The following ZNF41 variants were observed in gnomAD, a reference collection of about 807,000 sequenced individuals.
The protein encoded by ZNF41 is zinc finger protein 41.
A neutral mutation model predicts 9.3 loss-of-function variants in ZNF41; 6 were observed. The observed-to-expected ratio is 0.65, with a 90% CI of 0.35 to 1.28. The LOEUF is 1.28. ZNF41 is among the 50% of genes most tolerant of loss of function. The pLI is 0.03. For missense variants in ZNF41, 523 were observed against 585.8 expected, an observed-to-expected ratio of 0.89 and a Z score of 1.11; for synonymous variants, 192 against 207.1, an observed-to-expected ratio of 0.93 and a Z score of 0.63.
intron 2 of ZNF41, among the ~76,000 whole-genome samples, chrX:47,466,493 G>C (rs977723723): frequency 9.1e-6 from 1 of 110,366 alleles, no homozygotes; most frequent in African/African-American, 3.3e-5. Flanking sequence ...CAACTTGAGA[G>C]GCCTGGGCGA....
intron 4 of ZNF41, among the ~76,000 whole-genome samples, chrX:47,453,779 A>G (rs2056447784): frequency 8.9e-6 from 1 of 112,144 alleles, no homozygotes; most frequent in Non-Finnish European, 1.9e-5. Context: ...GGCAGCAGAA[A>G]ATATGGAGCT....
rs190059598 is a variant in ZNF41, at chrX:47,468,572, C to T, written c.-279-812G>A. Among the ~76,000 whole-genome samples, 596 of 111,264 alleles carry T rather than the reference C, an allele frequency of 5.4e-3. 2 individuals carry two copies. The highest frequency in any genetic ancestry group is 0.018 in the African/African-American group (563 of 30,554). ...GGTTTCCACAGGCTCCTCAAATTAT[C>T]ACCAACCCAGGCAGCACACCATCAA... On this transcript the variant is annotated intron_variant, in intron 1 of 4. Coordinates refer to ENST00000684689, the MANE Select transcript of ZNF41 (RefSeq NM_001324144.2).
In ZNF41 at chrX:47,448,200, T is replaced by C; in HGVS notation, c.1570A>G (p.Met524Val). 1 of 1,211,633 alleles carries C rather than the reference T, an allele frequency of 8.3e-7. No individual in the cohort carries two copies. Among genetic ancestry groups the C allele is most frequent in the Non-Finnish European group, 1.1e-6 (1 of 895,464 alleles). ...AAAGCCTTTCCACATTCAGCACACA[T>C]ATAGGGTTTTTCCCCAGTATGAGTT... Reference protein sequence around the residue: ...QKTHTGEKPYMCAECGKAFTD... With the variant: ...QKTHTGEKPYVCAECGKAFTD... The change falls in exon 5 of 5, where the codon ATG becomes GTG. Residue 524 changes from methionine (M) to valine (V), a missense_variant. By Grantham distance (21) the Met-to-Val change is conservative. Coordinates refer to ENST00000684689, the MANE Select transcript of ZNF41 (RefSeq NM_001324144.2).
Position 47,448,081 on chromosome X carries a change from C to T in ZNF41, c.1689G>A (p.Lys563=), listed in dbSNP as rs1248006767. ...CNGCGKAFIW[K]SRLKIHQKSH... is the part of the protein sequence containing the mutation. ...ATTTCTGATGTATTTTGAGGCGCGA[C>T]TTCCATATGAAGGCTTTTCCACAGC... Residue 563 remains lysine, a synonymous_variant, in exon 5 of 5, where the codon AAG becomes AAA. Transcript: ENST00000684689. 7.4e-6 allele frequency: 9 copies of T among 1,209,596 alleles called. No homozygotes were observed. The highest frequency in any genetic ancestry group is 1.0e-5 in the Non-Finnish European group (9 of 895,192).
In ZNF41 at chrX:47,447,333, T is replaced by C. The variant is rs1284807394; in HGVS notation, c.*97A>G. 2 of 1,114,725 alleles carry C rather than the reference T, an allele frequency of 1.8e-6. No individual in the cohort carries two copies. Among genetic ancestry groups the C allele is most frequent in the Non-Finnish European group, 2.4e-6 (2 of 818,854 alleles). 91.9% of individuals were successfully genotyped at this position (1,114,725 alleles called of 1,213,427 possible). ...CTCAAGCCTCAGTCTCTCATACCCA[T>C]TTCCCCCTGTACAATGATTGCAGCA... On this transcript the variant is annotated 3_prime_UTR_variant, in exon 5 of 5. Coordinates refer to ENST00000684689, the MANE Select transcript of ZNF41 (RefSeq NM_001324144.2).
chrX:47,474,445 CAG>C (rs1386065996), intron 1 of ZNF41, among the ~76,000 whole-genome samples: 1 of 110,167 alleles, frequency 9.1e-6, no homozygotes, highest in African/African-American at 3.3e-5. Flanking sequence ...GCCTGGGTGA[CAG>C]AGTGAAACTC....
At chrX:47,455,283 T>A (rs1177913613) in intron 4 of ZNF41, among the ~76,000 whole-genome samples, 75 of 82,458 alleles carry the variant, frequency 9.1e-4, no homozygotes, top group South Asian at 2.7e-3. Flanking sequence ...AAATTAAAAT[T>A]AAAATTAAAA....
In ZNF41 at chrX:47,446,714, T is replaced by G. The variant is rs1262901679; in HGVS notation, c.*716A>C. Reference sequence around the variant, plus strand: ...CTACTACCTTTATATGTCTGTATCATTCAATGACTATATTTCTGTAACATA... The same window carrying G: ...CTACTACCTTTATATGTCTGTATCAGTCAATGACTATATTTCTGTAACATA... On this transcript the variant is annotated 3_prime_UTR_variant, in exon 5 of 5. Transcript: ENST00000684689. 3.6e-5 allele frequency: 4 copies of G among 112,053 alleles called. No homozygotes were observed. The highest frequency in any genetic ancestry group is 7.5e-5 in the Non-Finnish European group (4 of 53,399). 9.2% of individuals were successfully genotyped at this position (112,053 alleles called of 1,213,427 possible).
chrX:47,448,139 G>C lies in ZNF41; in HGVS notation c.1631C>G (p.Thr544Ser). ...DQSNLIKHQK[T>S]HTGEKPYKCN... Reference sequence around the variant, plus strand: ...CTTATAGGGTTTCTCTCCAGTGTGAGTTTTCTGGTGTTTAATGAGATTTGA... The same window carrying C: ...CTTATAGGGTTTCTCTCCAGTGTGACTTTTCTGGTGTTTAATGAGATTTGA... Residue 544 changes from threonine (T) to serine (S), a missense_variant, in exon 5 of 5, where the codon ACT (threonine) becomes AGT (serine). Transcript: ENST00000684689. The C allele has an allele frequency of 8.3e-7, 1 of 1,210,638 alleles. No homozygotes were observed. Among genetic ancestry groups the C allele is most frequent in the East Asian group, 3.0e-5 (1 of 33,770 alleles).
rs201039022 is a variant in ZNF41, at chrX:47,447,461, C to G, written c.2309G>C (p.Ser770Thr). The part of the protein sequence containing the change: ...SNLIKHQKMH[S>T]GEKRYKASD ...ACTGGCTTTATAGCGTTTTTCTCCACTATGCATTTTCTGGTGTTTAATGAG... is the reference window on the plus strand; with the variant it reads ...ACTGGCTTTATAGCGTTTTTCTCCAGTATGCATTTTCTGGTGTTTAATGAG... Residue 770 changes from serine to threonine, a missense_variant, in exon 5 of 5, where the codon AGT (serine) becomes ACT (threonine). Transcript: ENST00000684689. 114 of 1,209,773 alleles carry G rather than the reference C, an allele frequency of 9.4e-5. No homozygotes were observed. Among genetic ancestry groups the G allele is most frequent in the Non-Finnish European group, 8.3e-5 (74 of 895,284 alleles).
intron 4 of ZNF41, among the ~76,000 whole-genome samples, chrX:47,453,294 A>G (rs2056434218): frequency 1.8e-5 from 2 of 111,750 alleles, no homozygotes; most frequent in Admixed American, 1.9e-4. Flanking sequence ...GTTACCCTAT[A>G]CACTAAAATC....
Position 47,447,889 on chromosome X carries a change from T to A in ZNF41, c.1881A>T (p.Arg627Ser), listed in dbSNP as rs776796676. 9.9e-6 allele frequency: 12 copies of A among 1,209,974 alleles called. No individual in the cohort carries two copies. The highest frequency in any genetic ancestry group is 1.7e-5 in the African/African-American group (1 of 57,174). The change falls in exon 5 of 5, where the codon AGA (arginine) becomes AGT (serine). Residue 627 changes from arginine (R) to serine (S), a missense_variant. Transcript: ENST00000684689. ...CATAAGGCTTCTCTCCAGTATGGAT[T>A]CTATGATGCGCAATGAAGTGCGATT... is the stretch of plus-strand genomic sequence containing the variant. ...IQKSHFIAHH[R>S]IHTGEKPYEC...
intron 1 of ZNF41, among the ~76,000 whole-genome samples, chrX:47,477,525 T>C (rs2057367858): frequency 8.9e-6 from 1 of 112,644 alleles, no homozygotes; most frequent in Non-Finnish European, 1.9e-5. Flanking sequence ...ATAACTTTTT[T>C]TCTTGGAGAA....
rs1405162438 is a variant in ZNF41, at chrX:47,446,872, C to T, written c.*558G>A. ...AAAAAGTTTTTCATGGAAATCTTTT[C>T]TATGTCTTAAGTGCCAATGATCACA... On this transcript the variant is annotated 3_prime_UTR_variant, in exon 5 of 5. Coordinates refer to ENST00000684689, the MANE Select transcript of ZNF41 (RefSeq NM_001324144.2). The T allele has an allele frequency of 8.9e-6, 1 of 112,514 alleles. No homozygotes were observed. Among genetic ancestry groups the T allele is most frequent in the Non-Finnish European group, 1.9e-5 (1 of 53,880 alleles). The allele number at this position is 112,514 out of a possible 1,213,427, so 9.3% of individuals were successfully genotyped here.
chrX:47,448,610 T>C lies in ZNF41; in HGVS notation c.1160A>G (p.Glu387Gly), dbSNP rs2056225514. The change falls in exon 5 of 5, where the codon GAA (glutamate) becomes GGA (glycine). Residue 387 changes from glutamate (E) to glycine (G), a missense_variant. Physicochemically the swap from Glu to Gly is moderately conservative, Grantham distance 98. Transcript: ENST00000684689. ...GTTCTGGGAGAAGCCTTTTCCACAT[T>C]CACTGCATTCATAAGGTTTTTCTCC... ...HTGEKPYECS[E>G]CGKGFSQNSD... is the part of the protein sequence containing the mutation. 2.5e-6 allele frequency: 3 copies of C among 1,210,188 alleles called. No individual in the cohort carries two copies. Among genetic ancestry groups the C allele is most frequent in the East Asian group, 3.0e-5 (1 of 33,791 alleles).
chrX:47,479,703 T>C (rs934675329), intron 1 of ZNF41, among the ~76,000 whole-genome samples: 2 of 94,414 alleles, frequency 2.1e-5, no homozygotes, highest in African/African-American at 7.4e-5. Flanking sequence ...AAGGATGAAC[T>C]GTTAAAAAAA....
chrX:47,459,310 A>G (rs1043239506), intron 2 of ZNF41, among the ~76,000 whole-genome samples: 2 of 110,514 alleles, frequency 1.8e-5, no homozygotes, highest in African/African-American at 3.3e-5. Context: ...AGACCGGGCC[A>G]CTGCACTCCA....
chrX:47,479,803 A>G (rs952091070), intron 1 of ZNF41, among the ~76,000 whole-genome samples: 2 of 111,711 alleles, frequency 1.8e-5, no homozygotes, highest in Non-Finnish European at 3.8e-5. Context: ...TAACATTTAC[A>G]TGGAAGAATA....
intron 2 of ZNF41, among the ~76,000 whole-genome samples, chrX:47,459,742 T>TA (rs768291943): frequency 0.039 from 628 of 16,100 alleles, 36 homozygotes; most frequent in African/African-American, 0.084. Context: ...AGACCCTATC[T>TA]AAAAAAAAAA....
Sources: allele counts gnomAD v4.1 joint callset (sites outside exome capture counted in the v4.1 genomes callset), GRCh38; gene constraint gnomAD v4.1.1; transcripts MANE v1.5; gene names NCBI Gene and HGNC (gene_info 2026-07-23, HGNC 2026-07-21).